The following IMMP2L variants were observed in gnomAD, a reference collection of about 807,000 sequenced individuals.
IMMP2L encodes the protein mitochondrial inner membrane protease subunit 2.
IMMP2L carries 18 observed loss-of-function variants against 19.3 expected under a neutral mutation model. That is an observed-to-expected ratio of 0.93 (90% CI 0.64 to 1.38). IMMP2L has a LOEUF of 1.38. Among genes scored for constraint, IMMP2L ranks in the 40% most tolerant of loss-of-function variants. The pLI is 0.00. For synonymous variants in IMMP2L, 76 were observed against 73.0 expected (o/e 1.04, Z -0.21); for missense variants, 233 against 218.2 (o/e 1.07, Z -0.43).
At chr7:110,838,545 T>C (rs1248457108) in intron 5 of IMMP2L, among the ~76,000 whole-genome samples, 11 of 151,848 alleles carry the variant, frequency 7.2e-5, no homozygotes, top group Non-Finnish European at 1.6e-4. Context: ...AATGGATTAA[T>C]GGCATATCAT....
chr7:110,902,967 T>TC (rs925604918), intron 4 of IMMP2L, among the ~76,000 whole-genome samples: 1 of 147,260 alleles, frequency 6.8e-6, no homozygotes, highest in African/African-American at 2.5e-5. Flanking sequence ...GAGTACAGAC[T>TC]CTATTTTGTA....
intron 5 of IMMP2L, among the ~76,000 whole-genome samples, chr7:110,686,058 T>C (rs1022075311): frequency 6.6e-6 from 1 of 152,142 alleles, no homozygotes; most frequent in African/African-American, 2.4e-5. Flanking sequence ...GATCACTGAC[T>C]CATTCCTTAA....
At chr7:110,968,001 C>A (rs1421777189) in intron 3 of IMMP2L, among the ~76,000 whole-genome samples, 4 of 151,928 alleles carry the variant, frequency 2.6e-5, no homozygotes, top group Non-Finnish European at 5.9e-5. Context: ...TTTAATATTG[C>A]CCATTCTCTA....
At chr7:110,850,321 A>G (rs1378850983) in intron 5 of IMMP2L, among the ~76,000 whole-genome samples, 1 of 152,090 alleles carries the variant, frequency 6.6e-6, no homozygotes, top group African/African-American at 2.4e-5. Context: ...GACAGTTTAC[A>G]GATGCAATGA....
intron 5 of IMMP2L, among the ~76,000 whole-genome samples, chr7:110,697,524 C>T (rs1475220997): frequency 6.6e-6 from 1 of 152,156 alleles, no homozygotes; most frequent in Non-Finnish European, 1.5e-5. Flanking sequence ...GAATTCTTGG[C>T]TTGTCATGGT....
Position 111,164,829 on chromosome 7 carries a change from T to A in IMMP2L, c.240-201264A>T, listed in dbSNP as rs915347547. On this transcript the variant is annotated intron_variant, in intron 3 of 5. Coordinates refer to ENST00000405709, the MANE Select transcript of IMMP2L (RefSeq NM_032549.4). ...TTTGTTGTGAGCTGATTAAAAAAAA[T>A]TTTTTTTGCTAGGTTATTTATTGTT... Among the ~76,000 whole-genome samples the A allele has an allele frequency of 1.8e-4, 28 of 152,080 alleles. 1 individual carries two copies. The highest frequency in any genetic ancestry group is 3.4e-3 in the Middle Eastern group (1 of 294).
intron 3 of IMMP2L, among the ~76,000 whole-genome samples, chr7:111,199,116 G>T (rs531315212): frequency 3.0e-4 from 45 of 151,736 alleles, no homozygotes; most frequent in Non-Finnish European, 6.3e-4. Context: ...ACATGTATTT[G>T]TGAAGTAGGT....
In IMMP2L at chr7:110,775,781, C is replaced by T. The variant is rs145394221; in HGVS notation, c.408+110812G>A. 4.6e-3 allele frequency among the ~76,000 whole-genome samples: 706 copies of T among 151,924 alleles called. 5 individuals are homozygous for T. The highest frequency in any genetic ancestry group is 0.016 in the African/African-American group (669 of 41,472). The stretch of plus-strand genomic sequence containing the variant: ...AAGTAAATGTAAAGTATGGCAACCA[C>T]CAAACAGCTCTCAATTTTCTCCTCT... On this transcript the variant is annotated intron_variant, in intron 5 of 5. Transcript: ENST00000405709.
intron 3 of IMMP2L, among the ~76,000 whole-genome samples, chr7:111,450,395 A>G: frequency 6.6e-6 from 1 of 151,914 alleles, no homozygotes; most frequent in Admixed American, 6.6e-5. Flanking sequence ...AGAGCCCTCA[A>G]ATAACGCCGC....
intron 3 of IMMP2L, among the ~76,000 whole-genome samples, chr7:111,348,720 AAACTGTTAAGATAGCAT>A (rs1263374408): frequency 5.9e-5 from 9 of 152,136 alleles, no homozygotes; most frequent in Non-Finnish European, 2.9e-5. Context: ...TAGTCTTTAG[AAACTGTTAAGATAGCAT>A]TAAAATATAT....
At chr7:110,990,372 C>T (rs1822328389) in intron 3 of IMMP2L, among the ~76,000 whole-genome samples, 1 of 152,038 alleles carries the variant, frequency 6.6e-6, no homozygotes. Context: ...TCTAAATGGG[C>T]CACATTTTAG....
chr7:111,093,638 T>C (rs1361566256), intron 3 of IMMP2L, among the ~76,000 whole-genome samples: 4 of 152,144 alleles, frequency 2.6e-5, no homozygotes, highest in Non-Finnish European at 5.9e-5. Flanking sequence ...CATACATATT[T>C]TGTGGATTAC....
intron 3 of IMMP2L, among the ~76,000 whole-genome samples, chr7:111,044,130 T>C (rs996054799): frequency 2.0e-5 from 3 of 152,252 alleles, no homozygotes; most frequent in Non-Finnish European, 4.4e-5. Flanking sequence ...CTGATCTATT[T>C]AGATGTTTCT....
intron 3 of IMMP2L, among the ~76,000 whole-genome samples, chr7:111,039,397 ATC>A (rs1325449498): frequency 6.6e-6 from 1 of 152,222 alleles, no homozygotes; most frequent in Non-Finnish European, 1.5e-5. Flanking sequence ...ACATAAGCAA[ATC>A]TCTATTAACC....
At chr7:110,737,656 C>A (rs1366774824) in intron 5 of IMMP2L, among the ~76,000 whole-genome samples, 1 of 152,186 alleles carries the variant, frequency 6.6e-6, no homozygotes, top group African/African-American at 2.4e-5. Context: ...CTTGAGAAAC[C>A]TGAATACTTA....
At chr7:111,159,888 A>G (rs1473626175) in intron 3 of IMMP2L, among the ~76,000 whole-genome samples, 1 of 152,034 alleles carries the variant, frequency 6.6e-6, no homozygotes, top group Non-Finnish European at 1.5e-5. Context: ...TTTTATTACT[A>G]TGTCTTCAAA....
intron 3 of IMMP2L, among the ~76,000 whole-genome samples, chr7:111,348,874 G>A (rs1396700822): frequency 6.6e-6 from 1 of 152,034 alleles, no homozygotes; most frequent in African/African-American, 2.4e-5. Context: ...TCCATCTTAT[G>A]TGTATCTCAT....
chr7:110,856,132 A>C (rs1162687101), intron 5 of IMMP2L, among the ~76,000 whole-genome samples: 1 of 152,040 alleles, frequency 6.6e-6, no homozygotes, highest in Admixed American at 6.6e-5. Flanking sequence ...TTCCAAAACC[A>C]CCAAATTTAT....
chr7:110,832,678 GATA>G (rs2131390919), intron 5 of IMMP2L, among the ~76,000 whole-genome samples: 1 of 152,148 alleles, frequency 6.6e-6, no homozygotes, highest in East Asian at 1.9e-4. Context: ...TGCACATAGT[GATA>G]ATAATAAAAA....
Sources: gnomAD v4.1 joint callset for allele counts (sites outside exome capture counted in the v4.1 genomes callset) on GRCh38, gnomAD v4.1.1 for gene constraint, MANE v1.5 for transcripts, NCBI Gene and HGNC (gene_info 2026-07-23, HGNC 2026-07-21) for gene names.